ATP8B3: variants seen among roughly 807,000 people sequenced by gnomAD.
ATP8B3 encodes ATPase phospholipid transporting 8B3, also known as phospholipid-transporting ATPase IK.
Under a neutral mutation model 140.9 loss-of-function variants are expected in ATP8B3, and 141 were observed. The observed-to-expected ratio is 1.00, with a 90% CI of 0.87 to 1.15. The LOEUF (loss-of-function observed/expected upper bound fraction) is 1.15. Ranked by LOEUF, ATP8B3 falls within the 50% of genes most tolerant of loss-of-function variation. The pLI is 0.00. For missense variants in ATP8B3, 1,874 were observed against 1,740.6 expected (o/e 1.08, Z -1.36); for synonymous variants, 765 against 714.6 (o/e 1.07, Z -1.13).
chr19:1,800,391 A>G lies in ATP8B3; in HGVS notation c.1211T>C (p.Val404Ala). ...LVLAFGFGFS[V>A]KEFKDHHYYL... ...GTAGTGGTGGTCTTTGAATTCTTTG[A>G]CTGAGAAACCGAAGCCGAAGGCCAA... is the stretch of plus-strand genomic sequence containing the variant. The change falls in exon 13 of 29, where the codon GTC (valine) becomes GCC (alanine). Residue 404 changes from valine (V) to alanine (A), a missense_variant. By Grantham distance (64) the Val-to-Ala change is moderately conservative. Coordinates refer to ENST00000310127, the MANE Select transcript of ATP8B3 (RefSeq NM_138813.4). This position sits in a 1 kb window ranked among gnomAD's most constrained non-coding sequence, Gnocchi z 4.4. 1 of 1,612,712 alleles carries G rather than the reference A, an allele frequency of 6.2e-7. No homozygotes were observed. Among genetic ancestry groups the G allele is most frequent in the East Asian group, 2.2e-5 (1 of 44,866 alleles).
At position 1,802,046 on chromosome 19, in the gene ATP8B3, T is replaced by A; in HGVS notation, c.1064-2A>T. The A allele has an allele frequency of 6.2e-7, 1 of 1,607,632 alleles. No individual in the cohort carries two copies. The highest frequency in any genetic ancestry group is 8.5e-7 in the Non-Finnish European group (1 of 1,178,070). ...TCTTCATAATTTTTGTGTCAAAACC[T>A]ACAAACATGTATCCATCTATCCACC... On this transcript the variant is annotated splice_acceptor_variant, in intron 11 of 28. Transcript: ENST00000310127. LOFTEE classifies it high-confidence loss of function.
intron 24 of ATP8B3, 52 bp downstream of exon 24, chr19:1,788,845 C>T (rs940584711): frequency 6.7e-7 from 1 of 1,489,858 alleles, no homozygotes; most frequent in Non-Finnish European, 9.1e-7. Flanking sequence ...ATGGGAGGGG[C>T]AGGGCATCCC....
Position 1,811,526 on chromosome 19 carries a change from G to C in ATP8B3, c.211C>G (p.Pro71Ala), listed in dbSNP as rs2069187774. ...GAPERRHKAQ[P>A]GRARKYEWRP... ...CATTCATACTTCCTAGCCCGGCCAG[G>C]CTGGGCCTTGTGCCTCCTCTCAGGT... Residue 71 changes from proline to alanine, a missense_variant, in exon 2 of 29, where the codon CCT (proline) becomes GCT (alanine). This residue lies in a region of ATP8B3 where 1,032 missense variants were observed against 963.6 expected (regional missense o/e 1.07). Coordinates refer to ENST00000310127, the MANE Select transcript of ATP8B3 (RefSeq NM_138813.4). 1.2e-6 allele frequency: 2 copies of C among 1,612,208 alleles called. No homozygotes were observed. The highest frequency in any genetic ancestry group is 1.7e-6 in the Non-Finnish European group (2 of 1,179,764).
rs772833573 is a variant in ATP8B3, at chr19:1,785,646, C to T, written c.3216G>A (p.Glu1072=). Residue 1072 remains glutamate, a synonymous_variant, in exon 26 of 29, where the codon GAG becomes GAA. Coordinates refer to ENST00000310127, the MANE Select transcript of ATP8B3 (RefSeq NM_138813.4). ...GGACGAAGACCCAGTAGTTGAAGAG[C>T]TCGTCCTTCTGCCCCACCACGTACA... The part of the protein sequence containing the change: ...PELYVVGQKD[E]LFNYWVFVQA... 1.9e-6 allele frequency: 3 copies of T among 1,613,214 alleles called. No individual in the cohort carries two copies. The highest frequency in any genetic ancestry group is 1.7e-6 in the Non-Finnish European group (2 of 1,179,846).
intron 24 of ATP8B3, 87 bp downstream of exon 24, chr19:1,788,810 G>A: frequency 1.6e-6 from 2 of 1,278,052 alleles, no homozygotes; most frequent in Non-Finnish European, 1.1e-6. Flanking sequence ...GGTTCTCAGT[G>A]CGTCCAGGGC....
chr19:1,785,266 A>C lies in ATP8B3; in HGVS notation c.3425T>G (p.Leu1142Arg), dbSNP rs1229478448. 3.1e-6 allele frequency: 5 copies of C among 1,608,774 alleles called. No homozygotes were observed. In the African/African-American group the frequency reaches 5.3e-5, roughly 17 times the overall value. ...GCTGAGGAGGATGGTCGCCACGCAC[A>C]GGGCGGTCCAGTACTTGATGATAAG... Reference protein sequence around the residue: ...VILIIKYWTALCVATILLSLG... With the variant: ...VILIIKYWTARCVATILLSLG... The change falls in exon 27 of 29, where the codon CTG becomes CGG. Residue 1142 changes from leucine (L) to arginine (R), a missense_variant. This residue lies in a region of ATP8B3 where 840 missense variants were observed against 760.9 expected (regional missense o/e 1.10). Transcript: ENST00000310127.
At chr19:1,808,605 G>C (rs2069099354) in intron 4 of ATP8B3, among the ~76,000 whole-genome samples, 1 of 152,238 alleles carries the variant, frequency 6.6e-6, no homozygotes, top group Admixed American at 6.5e-5. Flanking sequence ...CCTCAGACCA[G>C]CATTTACTGA....
chr19:1,805,935 G>A lies in ATP8B3; in HGVS notation c.774C>T (p.Ser258=), dbSNP rs939920988. 37 of 1,610,852 alleles carry A rather than the reference G, an allele frequency of 2.3e-5. No homozygotes were observed. The highest frequency in any genetic ancestry group is 3.1e-5 in the Non-Finnish European group (36 of 1,178,222). ...CATAGCACAGGCTGCTGGGCTCCGTGCTGGCCAGCAAGAGCATGTCGGCCT... is the reference window on the plus strand; with the variant it reads ...CATAGCACAGGCTGCTGGGCTCCGTACTGGCCAGCAAGAGCATGTCGGCCT... ...IVPADMLLLA[S]TEPSSLCYVE... Residue 258 remains serine, a synonymous_variant, in exon 9 of 29, where the codon AGC becomes AGT. Coordinates refer to ENST00000310127, the MANE Select transcript of ATP8B3 (RefSeq NM_138813.4). This position sits in a 1 kb window ranked among gnomAD's most constrained non-coding sequence, Gnocchi z 5.2.
chr19:1,787,711 A>C (rs1555804141), intron 24 of ATP8B3, among the ~76,000 whole-genome samples: 1 of 142,106 alleles, frequency 7.0e-6, no homozygotes, highest in Non-Finnish European at 1.5e-5. Flanking sequence ...CCTGGGCAAC[A>C]AGTGTGAAAC....
Position 1,800,128 on chromosome 19 carries a change from G to T in ATP8B3, c.1371C>A (p.Ser457Arg). The part of the protein sequence containing the change: ...ILSEFIYLGN[S>R]VFIDWDVQMY... ...TCTGCACGTCCCAGTCGATGAAGAC[G>T]CTGTTCCCCAGGTAGATGAACTCGG... Residue 457 changes from serine to arginine, a missense_variant, in exon 14 of 29, where the codon AGC becomes AGA. Physicochemically the swap from Ser to Arg is moderately radical, Grantham distance 110 (BLOSUM62 -1). Coordinates refer to ENST00000310127, the MANE Select transcript of ATP8B3 (RefSeq NM_138813.4). The surrounding 1 kb of genome is among the most constrained non-coding windows in gnomAD (Gnocchi z 4.4). 1 of 1,560,598 alleles carries T rather than the reference G, an allele frequency of 6.4e-7. No individual in the cohort carries two copies.
In ATP8B3 at chr19:1,789,556, C is replaced by A. The variant is rs774266302; in HGVS notation, c.2650G>T (p.Asp884Tyr). ...TCGGAGCTACGGCGGGCTCTGGAGT[C>A]CTGGGCTGGCGGTGCAGCCAGCGGG... ...GLPLAAPPAQ[D>Y]SRARRSSEVL... Residue 884 changes from aspartate (D) to tyrosine (Y), a missense_variant, in exon 23 of 29, where the codon GAC becomes TAC. Coordinates refer to ENST00000310127, the MANE Select transcript of ATP8B3 (RefSeq NM_138813.4). 6.3e-7 allele frequency: 1 copy of A among 1,595,604 alleles called. No homozygotes were observed.
Position 1,806,380 on chromosome 19 carries a change from C to T in ATP8B3, c.678-211G>A. The T allele has an allele frequency of 8.3e-6, 12 of 1,444,498 alleles. No homozygotes were observed. Among genetic ancestry groups the T allele is most frequent in the South Asian group, 4.4e-5 (3 of 67,996 alleles). 89.5% of individuals were successfully genotyped at this position (1,444,498 alleles called of 1,614,324 possible). ...ACCTCCAGGGTCCTGCACCCACGTCCTCTTCAGACTTTCCTTGTCCTCCCC... is the reference window on the plus strand; with the variant it reads ...ACCTCCAGGGTCCTGCACCCACGTCTTCTTCAGACTTTCCTTGTCCTCCCC... On this transcript the variant is annotated intron_variant, in intron 7 of 28. Coordinates refer to ENST00000310127, the MANE Select transcript of ATP8B3 (RefSeq NM_138813.4). This position sits in a 1 kb window ranked among gnomAD's most constrained non-coding sequence, Gnocchi z 5.6.
chr19:1,789,256 T>G, intron 23 of ATP8B3, 105 bp downstream of exon 23: 1 of 944,354 alleles, frequency 1.1e-6, no homozygotes, highest in Non-Finnish European at 1.5e-6. Context: ...GCCGCCTCCA[T>G]CAGCGCCCCC....
intron 10 of ATP8B3, 112 bp from the exon 11 acceptor site, chr19:1,802,757 C>T: frequency 2.3e-6 from 3 of 1,323,110 alleles, no homozygotes; most frequent in South Asian, 2.8e-5. Context: ...CCCCTCTGTG[C>T]CCCAAACTTG....
chr19:1,808,242 G>T lies in ATP8B3; in HGVS notation c.496C>A (p.Leu166Ile). 1 of 1,611,902 alleles carries T rather than the reference G, an allele frequency of 6.2e-7. No individual in the cohort carries two copies. The highest frequency in any genetic ancestry group is 1.1e-5 in the South Asian group (1 of 90,952). ...CTCACCTGCAGGATGATGATGATGA[G>T]GAAGAACAGGTTGGACACGCGGTGG... Reference protein sequence around the residue: ...QFHRVSNLFFLIIIILQSIPD... With the variant: ...QFHRVSNLFFIIIIILQSIPD... The change falls in exon 5 of 29, where the codon CTC becomes ATC. Residue 166 changes from leucine (L) to isoleucine (I), a missense_variant. By Grantham distance (5) the Leu-to-Ile change is conservative. Transcript: ENST00000310127.
chr19:1,798,228 C>T (rs62127693), intron 14 of ATP8B3, among the ~76,000 whole-genome samples: 17,430 of 151,864 alleles, frequency 0.11, 1,256 homozygotes, highest in African/African-American at 0.17. Context: ...GCCTCAACCT[C>T]GGGCCCATTT....
chr19:1,810,787 G>T, intron 2 of ATP8B3, 104 bp from the exon 3 acceptor site: 1 of 1,046,480 alleles, frequency 9.6e-7, no homozygotes, highest in Non-Finnish European at 1.4e-6. Context: ...CCTCTCAAAT[G>T]CTACCTCCCA....
rs1184609529 is a variant in ATP8B3, at chr19:1,796,283, C to T, written c.1754-18G>A. 1 of 1,591,278 alleles carries T rather than the reference C, an allele frequency of 6.3e-7. No homozygotes were observed. The highest frequency in any genetic ancestry group is 8.5e-7 in the Non-Finnish European group (1 of 1,170,716). ...CAGCTGGTCTGGTAGGGAGGGGGGC[C>T]ATTTTGGGGTCACGTGGTGGAGCCC... On this transcript the variant is annotated intron_variant, in intron 16 of 28. Coordinates refer to ENST00000310127, the MANE Select transcript of ATP8B3 (RefSeq NM_138813.4).
rs2068969844 is a variant in ATP8B3 at position 1,805,102 on chromosome 19, AG to A, written c.904+271del. 4 of 438,032 alleles carry A rather than the reference AG, an allele frequency of 9.1e-6. No individual in the cohort carries two copies. The highest frequency in any genetic ancestry group is 1.7e-5 in the Non-Finnish European group (4 of 233,920). 27.1% of individuals were successfully genotyped at this position (438,032 alleles called of 1,614,324 possible). A position where few individuals can be genotyped will look rare whatever the true frequency, so the allele number is the denominator to read the frequency against. On this transcript the variant is annotated intron_variant, in intron 10 of 28. Transcript: ENST00000310127. This position sits in a 1 kb window ranked among gnomAD's most constrained non-coding sequence, Gnocchi z 5.2. ...GCGAGCCTCCCACCTCAGCCTCCCAAGTAGCTGGGACCACCGGCATGTGCCA... is the reference window on the plus strand; with the variant it reads ...GCGAGCCTCCCACCTCAGCCTCCCAATAGCTGGGACCACCGGCATGTGCCA...
Sources: gnomAD v4.1 joint callset for allele counts (sites outside exome capture counted in the v4.1 genomes callset) on GRCh38, gnomAD v4.1.1 for gene constraint, gnomAD v4.1.1 regional missense constraint, Gnocchi (gnomAD v3.1) non-coding constraint, MANE v1.5 for transcripts, NCBI Gene and HGNC (gene_info 2026-07-23, HGNC 2026-07-21) for gene names.